Variants in STX6 observed in about 807,000 individuals in gnomAD.
The protein encoded by STX6 is syntaxin 6.
STX6 carries 23 observed loss-of-function variants against 38.0 expected under a neutral mutation model. That is an observed-to-expected ratio of 0.60 (90% CI 0.43 to 0.86). The LOEUF is 0.86. Among genes scored for constraint, STX6 ranks in the 40% least tolerant of loss-of-function variants. The pLI, the probability that STX6 is intolerant of heterozygous loss-of-function variation, is 0.00. For missense variants in STX6, 274 were observed against 312.9 expected, an observed-to-expected ratio of 0.88 and a Z score of 0.94; for synonymous variants, 123 against 107.5, an observed-to-expected ratio of 1.14 and a Z score of -0.89.
intron 3 of STX6, among the ~76,000 whole-genome samples, chr1:180,995,027 A>C (rs1288350699): frequency 1.3e-5 from 2 of 151,590 alleles, no homozygotes; most frequent in African/African-American, 4.9e-5. Flanking sequence ...CAGTGACGTA[A>C]TCTCGGCTCA....
chr1:181,001,630 G>A (rs1316552679), intron 3 of STX6, among the ~76,000 whole-genome samples: 5 of 152,160 alleles, frequency 3.3e-5, no homozygotes, highest in African/African-American at 7.2e-5. Context: ...GGAAGAGGCC[G>A]CTATCCAAAC....
chr1:181,005,177 AGC>A, intron 2 of STX6, 115 bp downstream of exon 2: 1 of 1,508,498 alleles, frequency 6.6e-7, no homozygotes, highest in Non-Finnish European at 8.8e-7. Context: ...TACAAGTAAG[AGC>A]AACAAACATT....
At chr1:181,000,388 A>G (rs554864846) in intron 3 of STX6, among the ~76,000 whole-genome samples, 1 of 152,370 alleles carries the variant, frequency 6.6e-6, no homozygotes, top group East Asian at 1.9e-4. Context: ...ATCATGGCAG[A>G]AGGAGAAGCA....
chr1:181,001,375 A>G (rs1656074571), intron 3 of STX6, among the ~76,000 whole-genome samples: 2 of 152,368 alleles, frequency 1.3e-5, no homozygotes, highest in African/African-American at 4.8e-5. Context: ...TGGCTTAGCC[A>G]TATAGTTTCA....
At position 180,976,435 on chromosome 1, in the gene STX6, C is replaced by T; in HGVS notation, c.*135G>A. On this transcript the variant is annotated 3_prime_UTR_variant, in exon 8 of 8. Coordinates refer to ENST00000258301, the MANE Select transcript of STX6 (RefSeq NM_005819.6). ...GGAGGAGCCATGTCAATTGTGGGGT[C>T]ACACGGAGAAAAGTCAGTGCAGCAG... 4 of 776,460 alleles carry T rather than the reference C, an allele frequency of 5.2e-6. No individual in the cohort carries two copies. Among genetic ancestry groups the T allele is most frequent in the South Asian group, 4.7e-5 (3 of 64,512 alleles). 48.1% of individuals were successfully genotyped at this position (776,460 alleles called of 1,614,324 possible).
chr1:180,990,113 T>C lies in STX6; in HGVS notation c.364-4A>G, dbSNP rs1655712995. 1.2e-6 allele frequency: 2 copies of C among 1,614,086 alleles called. No individual in the cohort carries two copies. The highest frequency in any genetic ancestry group is 8.5e-7 in the Non-Finnish European group (1 of 1,179,992). ...TGCCACTGTCTCCCAGCAGTGCCTG[T>C]GTGAGAAGAACAACCAGAGGAGTCA... On this transcript the variant is annotated splice_region_variant and splice_polypyrimidine_tract_variant and intron_variant, in intron 4 of 7. Coordinates refer to ENST00000258301, the MANE Select transcript of STX6 (RefSeq NM_005819.6).
rs114103991 is a variant in STX6 at position 181,022,597 on chromosome 1, C to T, written c.35+42G>A. ...ACCTAGGAGGTGCGGGCAGGCAGCA[C>T]CGCCACCTCTTCCTCCGGTGGAGCG... On this transcript the variant is annotated intron_variant, in intron 1 of 7. Transcript: ENST00000258301. The T allele has an allele frequency of 2.6e-3, 4,197 of 1,593,282 alleles. 95 individuals carry two copies. In the African/African-American group the frequency reaches 0.049, roughly 19 times the overall value.
At position 180,973,031 on chromosome 1, in the gene STX6, G is replaced by T. The variant is rs138235847; in HGVS notation, c.*3539C>A. 2.1e-3 allele frequency: 327 copies of T among 153,228 alleles called. 1 individual carries two copies. Among genetic ancestry groups the T allele is most frequent in the Middle Eastern group, 6.8e-3 (2 of 294 alleles). 9.5% of individuals were successfully genotyped at this position (153,228 alleles called of 1,614,324 possible). On this transcript the variant is annotated 3_prime_UTR_variant, in exon 8 of 8. Transcript: ENST00000258301. ...ACAGTGACTGCGGGGGCTTAAGTCCGGTAACCCTTTGGTTTTATTTCTTTT... is the reference window on the plus strand; with the variant it reads ...ACAGTGACTGCGGGGGCTTAAGTCCTGTAACCCTTTGGTTTTATTTCTTTT...
intron 1 of STX6, among the ~76,000 whole-genome samples, chr1:181,013,187 A>G (rs1029969957): frequency 6.6e-6 from 1 of 151,916 alleles, no homozygotes; most frequent in Non-Finnish European, 1.5e-5. Context: ...AAGTTTTCTT[A>G]CTTGCATCTA....
At chr1:181,005,486 G>T in intron 1 of STX6, 23 bp from the exon 2 acceptor site, 1 of 1,599,894 alleles carries the variant, frequency 6.3e-7, no homozygotes, top group Non-Finnish European at 8.5e-7. Context: ...TGAGGCAAAG[G>T]AGAGAAATCA....
intron 7 of STX6, among the ~76,000 whole-genome samples, chr1:180,984,071 A>AAAC (rs1285863860): frequency 6.8e-6 from 1 of 146,922 alleles, no homozygotes; most frequent in African/African-American, 2.5e-5. Flanking sequence ...CTCAAAAAAA[A>AAAC]AAAAAAAAAA....
intron 2 of STX6, among the ~76,000 whole-genome samples, chr1:181,004,856 G>A (rs1479558416): frequency 6.6e-6 from 1 of 151,800 alleles, no homozygotes; most frequent in Non-Finnish European, 1.5e-5. Flanking sequence ...AGTCTTGTGG[G>A]ACTGAGCTCT....
At chr1:181,004,143 C>G (rs762985665) in intron 2 of STX6, among the ~76,000 whole-genome samples, 1 of 152,166 alleles carries the variant, frequency 6.6e-6, no homozygotes, top group Non-Finnish European at 1.5e-5. Flanking sequence ...GTTATCCTAA[C>G]TTTCCACTAA....
chr1:181,012,973 C>T (rs973072690), intron 1 of STX6, among the ~76,000 whole-genome samples: 1 of 151,992 alleles, frequency 6.6e-6, no homozygotes, highest in Non-Finnish European at 1.5e-5. Flanking sequence ...CGCGCCCAGC[C>T]AATTCTTCCA....
chr1:181,013,792 T>TA (rs1656477259), intron 1 of STX6, among the ~76,000 whole-genome samples: 2 of 152,208 alleles, frequency 1.3e-5, no homozygotes, highest in East Asian at 3.9e-4. Flanking sequence ...CTGAAAATAT[T>TA]AAACAGGCTG....
chr1:180,990,096 T>C lies in STX6; in HGVS notation c.377A>G (p.Asp126Gly). The C allele has an allele frequency of 6.2e-7, 1 of 1,613,958 alleles. No individual in the cohort carries two copies. Among genetic ancestry groups the C allele is most frequent in the Non-Finnish European group, 8.5e-7 (1 of 1,179,982 alleles). ...ERKNRQALLG[D>G]SGSQNWSTGT... ...AGTGCTCCAGTTCTGGCTGCCACTG[T>C]CTCCCAGCAGTGCCTGTGTGAGAAG... Residue 126 changes from aspartate to glycine, a missense_variant, in exon 5 of 8, where the codon GAC becomes GGC. Asp to Gly is a moderately conservative substitution (Grantham distance 94). Coordinates refer to ENST00000258301, the MANE Select transcript of STX6 (RefSeq NM_005819.6).
chr1:181,007,947 C>T (rs1167148556), intron 1 of STX6, among the ~76,000 whole-genome samples: 1 of 152,170 alleles, frequency 6.6e-6, no homozygotes, highest in Non-Finnish European at 1.5e-5. Flanking sequence ...TGTGGATTCT[C>T]ATATCCACTT....
At chr1:181,019,200 A>G (rs1184539207) in intron 1 of STX6, among the ~76,000 whole-genome samples, 1 of 152,176 alleles carries the variant, frequency 6.6e-6, no homozygotes, top group Non-Finnish European at 1.5e-5. Context: ...CTGCTCTTCC[A>G]GATCATTTCT....
intron 1 of STX6, among the ~76,000 whole-genome samples, chr1:181,019,289 T>C (rs1335941591): frequency 6.8e-6 from 1 of 146,944 alleles, no homozygotes; most frequent in Non-Finnish European, 1.5e-5. Flanking sequence ...ATCACCACCA[T>C]CAACAAAGAG....
Sources: gnomAD v4.1 joint callset for allele counts (sites outside exome capture counted in the v4.1 genomes callset) on GRCh38, gnomAD v4.1.1 for gene constraint, MANE v1.5 for transcripts, NCBI Gene and HGNC (gene_info 2026-07-23, HGNC 2026-07-21) for gene names.